Variants in MLYCD observed in about 807,000 individuals in gnomAD.
The protein encoded by MLYCD is malonyl-CoA decarboxylase, also known as malonyl-CoA decarboxylase, mitochondrial.
Under a neutral mutation model 35.8 loss-of-function variants are expected in MLYCD, and 27 were observed. That is an observed-to-expected ratio of 0.75 (90% CI 0.56 to 1.04). The LOEUF is 1.04. Among genes scored for constraint, MLYCD ranks in the 50% least tolerant of loss-of-function variants. The pLI is 0.00. For missense variants in MLYCD, 917 were observed against 665.1 expected, an observed-to-expected ratio of 1.38 and a Z score of -4.17; for synonymous variants, 403 against 302.4, an observed-to-expected ratio of 1.33 and a Z score of -3.45.
rs1174974487 is a variant in MLYCD at position 83,918,882 on chromosome 16, A to AACC, written c.*3395_*3396insCAC. On this transcript the variant is annotated 3_prime_UTR_variant, in exon 5 of 5. Coordinates refer to ENST00000262430, the MANE Select transcript of MLYCD (RefSeq NM_012213.3). ...ACAGAACACAGCCAGTGCACAGGAG[A>AACC]ACACTGCACAGGAGAACCACACTGC... 1.4e-5 allele frequency: 2 copies of AACC among 138,438 alleles called. No homozygotes were observed. Among genetic ancestry groups the AACC allele is most frequent in the African/African-American group, 6.0e-5 (2 of 33,314 alleles). The allele number at this position is 138,438 out of a possible 1,614,324, so 8.6% of individuals were successfully genotyped here.
At position 83,915,023 on chromosome 16, in the gene MLYCD, T is replaced by A. The variant is rs1257547988; in HGVS notation, c.1016T>A (p.Leu339Gln). The A allele has an allele frequency of 6.2e-7, 1 of 1,614,110 alleles. No homozygotes were observed. Among genetic ancestry groups the A allele is most frequent in the African/African-American group, 1.3e-5 (1 of 74,942 alleles). The change falls in exon 5 of 5, where the codon CTG becomes CAG. Residue 339 changes from leucine to glutamine, a missense_variant. By Grantham distance (113) the Leu-to-Gln change is moderately radical. Coordinates refer to ENST00000262430, the MANE Select transcript of MLYCD (RefSeq NM_012213.3). ...ATACCTGGTTTCACCAAATGGCTTC[T>A]GGGGCTTCTGAACTCGCAAACGAAG... ...SPIPGFTKWL[L>Q]GLLNSQTKEH...
In MLYCD at chr16:83,915,284, A is replaced by T. The variant is rs777032506; in HGVS notation, c.1277A>T (p.Asn426Ile). Residue 426 changes from asparagine to isoleucine, a missense_variant, in exon 5 of 5, where the codon AAC (asparagine) becomes ATC (isoleucine). Coordinates refer to ENST00000262430, the MANE Select transcript of MLYCD (RefSeq NM_012213.3). ...CCCGTGGCCAACTTCCACCTGCAGAACGGGGCGGTGCTGTGGCGCATCAAC... is the reference window on the plus strand; with the variant it reads ...CCCGTGGCCAACTTCCACCTGCAGATCGGGGCGGTGCTGTGGCGCATCAAC... ...LNPVANFHLQ[N>I]GAVLWRINWM... 6 of 1,612,706 alleles carry T rather than the reference A, an allele frequency of 3.7e-6. No homozygotes were observed. In the African/African-American group the frequency reaches 6.7e-5, roughly 18 times the overall value.
intron 1 of MLYCD, among the ~76,000 whole-genome samples, chr16:83,900,211 C>T (rs1906735568): frequency 2.0e-5 from 3 of 152,152 alleles, no homozygotes; most frequent in Admixed American, 2.0e-4. Flanking sequence ...CTTGTCTGTG[C>T]TCCATGACTT....
rs1226128431 is a variant in MLYCD, at chr16:83,912,435, G to A, written c.948+68G>A. On this transcript the variant is annotated intron_variant, in intron 4 of 4. Transcript: ENST00000262430. The stretch of plus-strand genomic sequence containing the variant: ...GTGGTCAGGTCAGCGAACCTCGTGG[G>A]GTGTCAGGTGCCATGAGGGACACAG... 5.0e-6 allele frequency: 8 copies of A among 1,596,200 alleles called. No individual in the cohort carries two copies. In the African/African-American group the frequency reaches 1.1e-4, roughly 21 times the overall value.
Position 83,917,906 on chromosome 16 carries a change from T to C in MLYCD, c.*2417T>C, listed in dbSNP as rs1057504976. On this transcript the variant is annotated 3_prime_UTR_variant, in exon 5 of 5. Coordinates refer to ENST00000262430, the MANE Select transcript of MLYCD (RefSeq NM_012213.3). ...CCTTCACCTGTGCTGTCTGGTTCTCTCCTGTGTGGACAGGGGATGATAGGA... is the reference window on the plus strand; with the variant it reads ...CCTTCACCTGTGCTGTCTGGTTCTCCCCTGTGTGGACAGGGGATGATAGGA... 1 of 152,312 alleles carries C rather than the reference T, an allele frequency of 6.6e-6. No individual in the cohort carries two copies. Among genetic ancestry groups the C allele is most frequent in the Admixed American group, 6.5e-5 (1 of 15,304 alleles). The allele number at this position is 152,312 out of a possible 1,614,324, so 9.4% of individuals were successfully genotyped here.
Position 83,916,163 on chromosome 16 carries a change from T to G in MLYCD, c.*674T>G. On this transcript the variant is annotated 3_prime_UTR_variant, in exon 5 of 5. Coordinates refer to ENST00000262430, the MANE Select transcript of MLYCD (RefSeq NM_012213.3). Reference sequence around the variant, plus strand: ...ATGAACTTCACAGTAAAGAACACGTTTGTTCTGTAAAGCATTGAACATCTG... The same window carrying G: ...ATGAACTTCACAGTAAAGAACACGTGTGTTCTGTAAAGCATTGAACATCTG... 1.0e-6 allele frequency: 1 copy of G among 991,786 alleles called. No individual in the cohort carries two copies. Among genetic ancestry groups the G allele is most frequent in the Non-Finnish European group, 1.2e-6 (1 of 832,600 alleles). The allele number at this position is 991,786 out of a possible 1,614,324, so 61.4% of individuals were successfully genotyped here.
At position 83,915,337 on chromosome 16, in the gene MLYCD, A is replaced by G. The variant is rs775104507; in HGVS notation, c.1330A>G (p.Ile444Val). The stretch of plus-strand genomic sequence containing the variant: ...GATGGCGGATGTGAGCCTCAGAGGC[A>G]TCACCGGCTCCTGCGGCCTGATGGC... ...NWMADVSLRGITGSCGLMANY... is the reference protein window; with the variant it reads ...NWMADVSLRGVTGSCGLMANY... Residue 444 changes from isoleucine to valine, a missense_variant, in exon 5 of 5, where the codon ATC (isoleucine) becomes GTC (valine). Coordinates refer to ENST00000262430, the MANE Select transcript of MLYCD (RefSeq NM_012213.3). 2.5e-6 allele frequency: 4 copies of G among 1,613,930 alleles called. No homozygotes were observed. Among genetic ancestry groups the G allele is most frequent in the South Asian group, 1.1e-5 (1 of 91,086 alleles).
intron 1 of MLYCD, among the ~76,000 whole-genome samples, chr16:83,906,641 C>G (rs1906985702): frequency 6.6e-6 from 1 of 152,138 alleles, no homozygotes; most frequent in African/African-American, 2.4e-5. Context: ...GTGCATCTTT[C>G]ATTGTTATGT....
intron 1 of MLYCD, among the ~76,000 whole-genome samples, chr16:83,900,425 C>G (rs1358387363): frequency 1.3e-5 from 2 of 151,976 alleles, no homozygotes; most frequent in Admixed American, 1.3e-4. Context: ...GAAAAACTAA[C>G]CTGCCCTTTT....
chr16:83,899,459 G>A lies in MLYCD; in HGVS notation c.315G>A (p.Gln105=). The change falls in exon 1 of 5, where the codon CAG becomes CAA. Residue 105 remains glutamine (Q), a synonymous_variant. Transcript: ENST00000262430. Reference sequence around the variant, plus strand: ...TGGACCACGGCCAGGTGGCGGAGCAGAGCGCCGGCGTGCTCCATCTGCGCC... The same window carrying A: ...TGGACCACGGCCAGGTGGCGGAGCAAAGCGCCGGCGTGCTCCATCTGCGCC... ...FGVDHGQVAE[Q]SAGVLHLRQQ... is the part of the protein sequence containing the mutation. 1 of 1,532,490 alleles carries A rather than the reference G, an allele frequency of 6.5e-7. No individual in the cohort carries two copies. 94.9% of individuals were successfully genotyped at this position (1,532,490 alleles called of 1,614,324 possible). A position where few individuals can be genotyped will look rare whatever the true frequency, so the allele number is the denominator to read the frequency against.
In MLYCD at chr16:83,915,914, G is replaced by C. The variant is rs1428267915; in HGVS notation, c.*425G>C. On this transcript the variant is annotated 3_prime_UTR_variant, in exon 5 of 5. Transcript: ENST00000262430. ...GGTGTTCCTTTGTGCTCATAAAACA[G>C]AATGCGGCGATGGTTGCTTTAGCCG... 3 of 1,087,786 alleles carry C rather than the reference G, an allele frequency of 2.8e-6. No individual in the cohort carries two copies. The East Asian group carries it at 2.0e-4, about 73-fold the overall frequency. The allele number at this position is 1,087,786 out of a possible 1,614,324, so 67.4% of individuals were successfully genotyped here.
intron 1 of MLYCD, among the ~76,000 whole-genome samples, chr16:83,901,898 A>T (rs750412272): frequency 7.2e-5 from 11 of 152,168 alleles, no homozygotes; most frequent in Non-Finnish European, 1.0e-4. Flanking sequence ...GTGTTTATCA[A>T]ACAGAATGAA....
chr16:83,905,200 G>T (rs551366363), intron 1 of MLYCD, among the ~76,000 whole-genome samples: 1 of 151,880 alleles, frequency 6.6e-6, no homozygotes, highest in South Asian at 2.1e-4. Context: ...TCCAGCCTGG[G>T]TGACAGAGGA....
At chr16:83,903,237 G>C (rs1166820852) in intron 1 of MLYCD, among the ~76,000 whole-genome samples, 1 of 152,156 alleles carries the variant, frequency 6.6e-6, no homozygotes, top group Non-Finnish European at 1.5e-5. Context: ...AAGGGACCTG[G>C]TTCCCACTGC....
chr16:83,905,478 C>G (rs1906940833), intron 1 of MLYCD, among the ~76,000 whole-genome samples: 1 of 152,076 alleles, frequency 6.6e-6, no homozygotes, highest in Admixed American at 6.5e-5. Flanking sequence ...GTGGGCAGCC[C>G]AGAGCTGATT....
At position 83,911,069 on chromosome 16, in the gene MLYCD, C is replaced by T. The variant is rs938033160; in HGVS notation, c.799-1149C>T. Among the ~76,000 whole-genome samples, 10 of 152,248 alleles carry T rather than the reference C, an allele frequency of 6.6e-5. No individual in the cohort carries two copies. The South Asian group carries it at 8.3e-4, about 13-fold the overall frequency. The stretch of plus-strand genomic sequence containing the variant: ...TCGGCTCCCTGCAACCTCCGCCTCC[C>T]GGGTTCACACCATTCTCCTGCCTCA... On this transcript the variant is annotated intron_variant, in intron 3 of 4. Coordinates refer to ENST00000262430, the MANE Select transcript of MLYCD (RefSeq NM_012213.3).
At chr16:83,906,244 A>T (rs1349108210) in intron 1 of MLYCD, among the ~76,000 whole-genome samples, 1 of 151,882 alleles carries the variant, frequency 6.6e-6, no homozygotes, top group East Asian at 1.9e-4. Flanking sequence ...AAAAAAAATT[A>T]TCCAGGCTTG....
rs1455166441 is a variant in MLYCD, at chr16:83,899,235, C to T, written c.91C>T (p.Gln31Ter). The T allele has an allele frequency of 2.4e-6, 3 of 1,252,396 alleles. No homozygotes were observed. The highest frequency in any genetic ancestry group is 6.0e-5 in the South Asian group (2 of 33,274). 77.6% of individuals were successfully genotyped at this position (1,252,396 alleles called of 1,614,324 possible). Residue 31 changes from glutamine to a stop codon, truncating the protein, a stop_gained, in exon 1 of 5, where the codon CAG becomes TAG. Coordinates refer to ENST00000262430, the MANE Select transcript of MLYCD (RefSeq NM_012213.3). LOFTEE classifies it high-confidence loss of function. ...GCCCGGGCCCCGGCTGGCGAGCGGG[C>T]AGGCGGCCGGCGCCCTGGAGCGGGC... ...RPPGPRLASG[Q>*]AAGALERAMD...
chr16:83,912,417 G>T, intron 4 of MLYCD, 50 bp downstream of exon 4: 1 of 1,612,484 alleles, frequency 6.2e-7, no homozygotes. Flanking sequence ...CGTGTGGTCA[G>T]GTCAGCGAAC....
Sources: allele counts gnomAD v4.1 joint callset (sites outside exome capture counted in the v4.1 genomes callset), GRCh38; gene constraint gnomAD v4.1.1; transcripts MANE v1.5; gene names NCBI Gene and HGNC (gene_info 2026-07-23, HGNC 2026-07-21).